The following NCS1 variants were observed in gnomAD, a reference collection of about 807,000 sequenced individuals.
NCS1 encodes neuronal calcium sensor 1, also known as frequenin homolog.
NCS1 carries 6 observed loss-of-function variants against 28.4 expected under a neutral mutation model. That is an observed-to-expected ratio of 0.21 (90% confidence interval 0.12 to 0.42). The LOEUF is 0.42. Among genes scored for constraint, NCS1 ranks in the 10% least tolerant of loss-of-function variants. The pLI, the probability that NCS1 is intolerant of heterozygous loss-of-function variation, is 1.00. For missense variants in NCS1, 131 were observed against 241.4 expected (o/e 0.54, Z 3.03); for synonymous variants, 86 against 99.3 (o/e 0.87, Z 0.79).
intron 1 of NCS1, among the ~76,000 whole-genome samples, chr9:130,189,879 AATATATAT>A (rs1203988125): frequency 3.2e-3 from 119 of 37,740 alleles, no homozygotes; most frequent in Middle Eastern, 0.016. Context: ...AAAAAAAAAA[AATATATAT>A]ATATATATAT....
At chr9:130,200,453 G>A in intron 1 of NCS1, 1 of 893,884 alleles carries the variant, frequency 1.1e-6, no homozygotes, top group Non-Finnish European at 1.8e-6. Context: ...GGGGCTGCAG[G>A]GACAGGCTGA....
chr9:130,193,943 C>G (rs1382738082), intron 1 of NCS1: 2 of 152,732 alleles, frequency 1.3e-5, no homozygotes, highest in African/African-American at 4.8e-5. Context: ...GGCCCTCTTG[C>G]TGGTGCGGTT....
At position 130,181,219 on chromosome 9, in the gene NCS1, T is replaced by G. The variant is rs1554905121; in HGVS notation, c.64+8492T>G. ...CCTTGGATCTTCTCAGCCTCAGGCA[T>G]GGTTCTTAGCCTCTCGATACCTTAG... On this transcript the variant is annotated intron_variant, in intron 1 of 7. Coordinates refer to ENST00000372398, the MANE Select transcript of NCS1 (RefSeq NM_014286.4). The surrounding 1 kb of genome is among the most constrained non-coding windows in gnomAD (Gnocchi z 5.0). Among the ~76,000 whole-genome samples, 1 of 152,122 alleles carries G rather than the reference T, an allele frequency of 6.6e-6. No homozygotes were observed. Among genetic ancestry groups the G allele is most frequent in the African/African-American group, 2.4e-5 (1 of 41,414 alleles).
intron 1 of NCS1, among the ~76,000 whole-genome samples, chr9:130,178,911 CTT>C (rs1832617272): frequency 1.6e-5 from 1 of 64,316 alleles, no homozygotes; most frequent in Non-Finnish European, 3.1e-5. Flanking sequence ...CTCCCCTCCC[CTT>C]CCCTCCCCTT....
rs1452024927 is a variant in NCS1, at chr9:130,209,366, G to T, written c.89+8384G>T. ...TCGGGGGAAGTCCTAGAGGACCGGGGCGTTTGGGAGACTGAGGCCTGGCAG... is the reference window on the plus strand; with the variant it reads ...TCGGGGGAAGTCCTAGAGGACCGGGTCGTTTGGGAGACTGAGGCCTGGCAG... On this transcript the variant is annotated intron_variant, in intron 2 of 7. Transcript: ENST00000372398. This position sits in a 1 kb window ranked among gnomAD's most constrained non-coding sequence, Gnocchi z 4.4. 6.6e-5 allele frequency among the ~76,000 whole-genome samples: 10 copies of T among 152,324 alleles called. No individual in the cohort carries two copies. Among genetic ancestry groups the T allele is most frequent in the African/African-American group, 2.4e-4 (10 of 41,578 alleles).
chr9:130,208,876 CTG>C (rs35560339), intron 2 of NCS1, among the ~76,000 whole-genome samples: 2,410 of 150,548 alleles, frequency 0.016, 44 homozygotes, highest in African/African-American at 0.046. Flanking sequence ...TCACACAGCT[CTG>C]TGTGTGTGTG....
At chr9:130,179,880 C>G (rs1238231485) in intron 1 of NCS1, among the ~76,000 whole-genome samples, 1 of 152,162 alleles carries the variant, frequency 6.6e-6, no homozygotes, top group Non-Finnish European at 1.5e-5. Context: ...AGCATCTTCC[C>G]CAAGGTCACA....
chr9:130,236,548 C>CTTTTTTTT lies in NCS1; in HGVS notation c.*3585_*3592dup, dbSNP rs11432743. The CTTTTTTTT allele has an allele frequency of 7.1e-6, 1 of 141,826 alleles. No individual in the cohort carries two copies. The highest frequency in any genetic ancestry group is 1.5e-5 in the Non-Finnish European group (1 of 65,502). 8.8% of individuals were successfully genotyped at this position (141,826 alleles called of 1,614,324 possible). Reference sequence around the variant, plus strand: ...CTGTGATGGGAAGCCTTGCCCCCCTCTTTTTTTTTTTTTTTTAATATCTGC... The same window carrying CTTTTTTTT: ...CTGTGATGGGAAGCCTTGCCCCCCTCTTTTTTTTTTTTTTTTTTTTTTTTAATATCTGC... On this transcript the variant is annotated 3_prime_UTR_variant, in exon 8 of 8. Transcript: ENST00000372398.
chr9:130,193,597 C>T (rs1382721553), intron 1 of NCS1, among the ~76,000 whole-genome samples: 1 of 151,950 alleles, frequency 6.6e-6, no homozygotes, highest in African/African-American at 2.4e-5. Context: ...CCTGAGGGGC[C>T]TCTGGGCCAT....
rs1420352118 is a variant in NCS1, at chr9:130,215,866, T to C, written c.90-1966T>C. On this transcript the variant is annotated intron_variant, in intron 2 of 7. Transcript: ENST00000372398. The surrounding 1 kb of genome is among the most constrained non-coding windows in gnomAD (Gnocchi z 4.2). ...GCTGTGGGCACTGCTGGGACGGTCA[T>C]GTGCCCGCTATGGTCTGACTCAAGA... Among the ~76,000 whole-genome samples the C allele has an allele frequency of 6.6e-6, 1 of 152,090 alleles. No homozygotes were observed. Among genetic ancestry groups the C allele is most frequent in the Admixed American group, 6.5e-5 (1 of 15,272 alleles).
rs527756443 is a variant in NCS1 at position 130,232,066 on chromosome 9, C to T, written c.*18-924C>T. ...GGTTCAAGTCATTCTCCTGTCTGAG[C>T]CTCCCAAGCAGCTGGAATTATAGGT... is the stretch of plus-strand genomic sequence containing the variant. On this transcript the variant is annotated intron_variant, in intron 7 of 7. Coordinates refer to ENST00000372398, the MANE Select transcript of NCS1 (RefSeq NM_014286.4). The surrounding 1 kb of genome is among the most constrained non-coding windows in gnomAD (Gnocchi z 4.4). Among the ~76,000 whole-genome samples, 11 of 152,190 alleles carry T rather than the reference C, an allele frequency of 7.2e-5. No homozygotes were observed. The South Asian group carries it at 2.3e-3, about 32-fold the overall frequency.
rs555381292 is a variant in NCS1, at chr9:130,200,720, G to A, written c.65-238G>A. 5 of 1,502,534 alleles carry A rather than the reference G, an allele frequency of 3.3e-6. No homozygotes were observed. The Admixed American group carries it at 9.8e-5, about 29-fold the overall frequency. 93.1% of individuals were successfully genotyped at this position (1,502,534 alleles called of 1,614,324 possible). ...CCAGCAGCGGCAGTGGCAGTGGCAG[G>A]TAGCACTTGGGCACCGGGAAGGGGT... On this transcript the variant is annotated intron_variant, in intron 1 of 7. Transcript: ENST00000372398.
intron 4 of NCS1, among the ~76,000 whole-genome samples, chr9:130,221,683 C>T (rs953400086): frequency 2.8e-5 from 4 of 142,766 alleles, no homozygotes; most frequent in Admixed American, 7.4e-5. Context: ...CTGCCCGCCT[C>T]GGCCTCCCAA....
Position 130,226,612 on chromosome 9 carries a change from T to C in NCS1, c.*17+108T>C. 1 of 827,490 alleles carries C rather than the reference T, an allele frequency of 1.2e-6. No individual in the cohort carries two copies. Among genetic ancestry groups the C allele is most frequent in the East Asian group, 2.7e-5 (1 of 36,946 alleles). The allele number at this position is 827,490 out of a possible 1,614,324, so 51.3% of individuals were successfully genotyped here. ...GTAATTACCTGGGTCTCTGGGGGTG[T>C]TGTGGTCAGCCTAGCAGGGACATAG... On this transcript the variant is annotated intron_variant, in intron 7 of 7. Coordinates refer to ENST00000372398, the MANE Select transcript of NCS1 (RefSeq NM_014286.4). The surrounding 1 kb of genome is among the most constrained non-coding windows in gnomAD (Gnocchi z 4.8).
intron 2 of NCS1, among the ~76,000 whole-genome samples, chr9:130,216,920 G>A (rs1199474744): frequency 6.6e-6 from 1 of 151,708 alleles, no homozygotes. Context: ...GGGGTGGGGC[G>A]GGAGGGGTGG....
Position 130,200,515 on chromosome 9 carries a change from TC to T in NCS1, c.65-437del, listed in dbSNP as rs1172117632. On this transcript the variant is annotated intron_variant, in intron 1 of 7. Transcript: ENST00000372398. Reference sequence around the variant, plus strand: ...GAGAGCTGCCCCTTTTCAGCCTAGCTCCCCCCACCCCCCCACATAGGTGGGG... The same window carrying T: ...GAGAGCTGCCCCTTTTCAGCCTAGCTCCCCCACCCCCCCACATAGGTGGGG... 2.8e-4 allele frequency: 421 copies of T among 1,527,010 alleles called. 3 individuals are homozygous for T. The highest frequency in any genetic ancestry group is 1.1e-3 in the Middle Eastern group (6 of 5,320). 94.6% of individuals were successfully genotyped at this position (1,527,010 alleles called of 1,614,324 possible).
In NCS1 at chr9:130,212,451, G is replaced by A. The variant is rs935904377; in HGVS notation, c.90-5381G>A. Among the ~76,000 whole-genome samples, 6 of 150,384 alleles carry A rather than the reference G, an allele frequency of 4.0e-5. No individual in the cohort carries two copies. The South Asian group carries it at 6.5e-4, about 16-fold the overall frequency. On this transcript the variant is annotated intron_variant, in intron 2 of 7. Coordinates refer to ENST00000372398, the MANE Select transcript of NCS1 (RefSeq NM_014286.4). ...GCACAGGACAGGCCTGCACGACAGC[G>A]ACCTGGCCCCGAACGTCAGGAGTGC...
intron 4 of NCS1, among the ~76,000 whole-genome samples, chr9:130,220,054 G>A (rs1417572021): frequency 1.3e-5 from 2 of 152,196 alleles, no homozygotes; most frequent in Non-Finnish European, 2.9e-5. Flanking sequence ...CAGGTGGGAG[G>A]GTTTCCTGGA....
intron 2 of NCS1, among the ~76,000 whole-genome samples, chr9:130,210,339 C>G (rs1936824981): frequency 1.3e-5 from 2 of 148,762 alleles, no homozygotes; most frequent in Admixed American, 1.4e-4. Context: ...GCGGAAGTTG[C>G]AGTGAGTGTA....
Sources: gnomAD v4.1 joint callset for allele counts (sites outside exome capture counted in the v4.1 genomes callset) on GRCh38, gnomAD v4.1.1 for gene constraint, Gnocchi (gnomAD v3.1) non-coding constraint, MANE v1.5 for transcripts, NCBI Gene and HGNC (gene_info 2026-07-23, HGNC 2026-07-21) for gene names.